Variants in DPF3 observed in about 807,000 individuals in gnomAD.
DPF3 encodes the protein zinc finger protein DPF3.
A neutral mutation model predicts 56.8 loss-of-function variants in DPF3; 18 were observed. That is an observed-to-expected ratio of 0.32 (90% CI 0.22 to 0.47). The LOEUF is 0.47. Ranked by LOEUF, DPF3 falls within the 20% of genes least tolerant of loss-of-function variation. DPF3 has a pLI of 1.00. For missense variants in DPF3, 403 were observed against 488.8 expected, an observed-to-expected ratio of 0.82 and a Z score of 1.65; for synonymous variants, 188 against 180.2, an observed-to-expected ratio of 1.04 and a Z score of -0.35.
intron 1 of DPF3, among the ~76,000 whole-genome samples, chr14:72,847,106 C>T (rs140567599): frequency 8.0e-4 from 122 of 152,292 alleles, no homozygotes; most frequent in African/African-American, 2.7e-3. Context: ...ACTGAAGAGG[C>T]GGTGAATCCA....
At chr14:72,642,382 G>C (rs1885590645) in intron 8 of DPF3, among the ~76,000 whole-genome samples, 1 of 152,256 alleles carries the variant, frequency 6.6e-6, no homozygotes, top group Non-Finnish European at 1.5e-5. Context: ...GGCAGTGTCT[G>C]CATTGTGCTC....
intron 1 of DPF3, among the ~76,000 whole-genome samples, chr14:72,831,519 T>C (rs1884058325): frequency 6.6e-6 from 1 of 152,136 alleles, no homozygotes; most frequent in South Asian, 2.1e-4. Flanking sequence ...CTGTAGAATA[T>C]TGAGTACAAG....
chr14:72,626,148 T>A (rs1349394810), intron 9 of DPF3, among the ~76,000 whole-genome samples: 2 of 152,188 alleles, frequency 1.3e-5, no homozygotes, highest in East Asian at 3.8e-4. Flanking sequence ...CCCTACATCT[T>A]GGTTGATTTT....
chr14:72,828,601 G>C (rs72730384), intron 1 of DPF3, among the ~76,000 whole-genome samples: 1 of 149,992 alleles, frequency 6.7e-6, no homozygotes, highest in Non-Finnish European at 1.5e-5. Context: ...GGATTCCAGA[G>C]AGTGGGCCAG....
At chr14:72,719,728 C>T (rs973681105) in intron 5 of DPF3, among the ~76,000 whole-genome samples, 6 of 152,146 alleles carry the variant, frequency 3.9e-5, no homozygotes, top group Admixed American at 6.6e-5. Flanking sequence ...ATCAAAATTC[C>T]AAGAGTTATT....
At chr14:72,726,961 G>A (rs1039188068) in intron 4 of DPF3, among the ~76,000 whole-genome samples, 1 of 152,056 alleles carries the variant, frequency 6.6e-6, no homozygotes, top group African/African-American at 2.4e-5. Flanking sequence ...TCTCCATGCA[G>A]CAGGCAACAG....
At chr14:72,672,210 T>C (rs2021736) in intron 8 of DPF3, among the ~76,000 whole-genome samples, 149,766 of 152,320 alleles carry the variant, frequency 0.98, 73,630 homozygotes, top group East Asian at 1. Flanking sequence ...ATCCTGAAAT[T>C]TGTAAAACTC....
At chr14:72,835,755 C>A (rs1328025189) in intron 1 of DPF3, among the ~76,000 whole-genome samples, 2 of 152,142 alleles carry the variant, frequency 1.3e-5, no homozygotes. Flanking sequence ...TTGTAAAACC[C>A]CAAATGCCAG....
intron 1 of DPF3, among the ~76,000 whole-genome samples, chr14:72,851,500 A>G (rs1253924392): frequency 1.3e-5 from 2 of 152,224 alleles, no homozygotes; most frequent in Admixed American, 1.3e-4. Flanking sequence ...AATGCTTATC[A>G]TGAAGCAGGT....
chr14:72,667,985 C>G (rs538352841), intron 8 of DPF3, among the ~76,000 whole-genome samples: 1 of 152,172 alleles, frequency 6.6e-6, no homozygotes, highest in Non-Finnish European at 1.5e-5. Context: ...TATTACTAAC[C>G]TCAGTTTCCG....
chr14:72,765,035 T>C (rs1420976328), intron 2 of DPF3, among the ~76,000 whole-genome samples: 1 of 152,188 alleles, frequency 6.6e-6, no homozygotes, highest in Non-Finnish European at 1.5e-5. Context: ...GAGAATTGCT[T>C]GGTGTAGGGG....
intron 8 of DPF3, among the ~76,000 whole-genome samples, chr14:72,647,038 G>A (rs537411663): frequency 2.0e-4 from 30 of 152,150 alleles, no homozygotes; most frequent in Admixed American, 1.6e-3. Context: ...ATAATGCAGC[G>A]TGTGGAACCT....
intron 1 of DPF3, among the ~76,000 whole-genome samples, chr14:72,859,002 T>C (rs1389205256): frequency 6.6e-6 from 1 of 151,902 alleles, no homozygotes; most frequent in Non-Finnish European, 1.5e-5. Context: ...TACACATATA[T>C]ATTTAAACAG....
chr14:72,677,129 C>T (rs1293858709), intron 7 of DPF3, among the ~76,000 whole-genome samples: 1 of 152,120 alleles, frequency 6.6e-6, no homozygotes, highest in Non-Finnish European at 1.5e-5. Flanking sequence ...TCCTAAAATC[C>T]CATGTATAGG....
intron 5 of DPF3, among the ~76,000 whole-genome samples, chr14:72,715,728 C>G (rs1379723278): frequency 6.6e-6 from 1 of 151,996 alleles, no homozygotes; most frequent in Non-Finnish European, 1.5e-5. Context: ...ACTCAGAAAA[C>G]ACACCCACTT....
At chr14:72,872,623 A>G (rs543223441) in intron 1 of DPF3, among the ~76,000 whole-genome samples, 206 of 152,372 alleles carry the variant, frequency 1.4e-3, no homozygotes, top group African/African-American at 4.7e-3. Context: ...AGGCAATCCT[A>G]AGCCAAAAGA....
intron 1 of DPF3, among the ~76,000 whole-genome samples, chr14:72,772,938 G>A (rs1599428416): frequency 2.0e-5 from 3 of 152,088 alleles, no homozygotes; most frequent in Non-Finnish European, 4.4e-5. Flanking sequence ...AGGAAGGGAA[G>A]GAGCCACAGA....
chr14:72,747,645 G>C (rs1168508092), intron 3 of DPF3, among the ~76,000 whole-genome samples: 1 of 149,854 alleles, frequency 6.7e-6, no homozygotes, highest in African/African-American at 2.5e-5. Context: ...AAAAAAAATA[G>C]CTAGGTGATA....
intron 3 of DPF3, among the ~76,000 whole-genome samples, chr14:72,750,811 A>C (rs926135661): frequency 6.6e-6 from 1 of 151,066 alleles, no homozygotes; most frequent in African/African-American, 2.4e-5. Flanking sequence ...AAAAAAAAAA[A>C]AAAAAACCTG....
Sources: gnomAD v4.1 joint callset for allele counts (sites outside exome capture counted in the v4.1 genomes callset) on GRCh38, gnomAD v4.1.1 for gene constraint, MANE v1.5 for transcripts, NCBI Gene and HGNC (gene_info 2026-07-23, HGNC 2026-07-21) for gene names.